IL17RD: variants seen among roughly 807,000 people sequenced by gnomAD.
IL17RD encodes interleukin-17 receptor D.
In IL17RD, 52 loss-of-function variants were observed where a neutral mutation model predicts 80.5. The observed-to-expected ratio is 0.65, with a 90% CI of 0.52 to 0.81. The LOEUF (loss-of-function observed/expected upper bound fraction) is 0.81. Ranked by LOEUF, IL17RD falls within the 40% of genes least tolerant of loss-of-function variation. IL17RD has a pLI of 0.00. For missense variants in IL17RD, 1,024 were observed against 955.1 expected (o/e 1.07, Z -0.95); for synonymous variants, 416 against 391.8 (o/e 1.06, Z -0.73).
intron 1 of IL17RD, among the ~76,000 whole-genome samples, chr3:57,124,262 T>A (rs1209507829): frequency 1.3e-5 from 2 of 152,188 alleles, no homozygotes; most frequent in Non-Finnish European, 1.5e-5. Flanking sequence ...ATAGGTAGAA[T>A]GATAGCCCCT....
chr3:57,168,909 G>A (rs2060358727), upstream of IL17RD, among the ~76,000 whole-genome samples: 1 of 152,176 alleles, frequency 6.6e-6, no homozygotes, highest in African/African-American at 2.4e-5. Flanking sequence ...GTAGAGGTGG[G>A]GTTTCACCAT....
At chr3:57,112,130 AC>A (rs760417724) in intron 3 of IL17RD, among the ~76,000 whole-genome samples, 12 of 152,200 alleles carry the variant, frequency 7.9e-5, no homozygotes, top group Non-Finnish European at 1.5e-4. Flanking sequence ...ACATTACAGT[AC>A]TATTAACACC....
chr3:57,146,043 G>GCACACACACACTCA (rs1329579530), intron 1 of IL17RD, among the ~76,000 whole-genome samples: 4 of 140,610 alleles, frequency 2.8e-5, no homozygotes, highest in South Asian at 2.4e-4. Flanking sequence ...GCGCGCGCGC[G>GCACACACACACTCA]CGCACACACA....
At chr3:57,122,027 T>A (rs1389440611) in intron 1 of IL17RD, among the ~76,000 whole-genome samples, 1 of 152,228 alleles carries the variant, frequency 6.6e-6, no homozygotes, top group East Asian at 1.9e-4. Context: ...AGGTAGATTA[T>A]GTCCTAGGCA....
Position 57,120,246 on chromosome 3 carries a change from G to T in IL17RD, c.184+10C>A. 1 of 1,602,518 alleles carries T rather than the reference G, an allele frequency of 6.2e-7. No individual in the cohort carries two copies. The highest frequency in any genetic ancestry group is 8.6e-7 in the Non-Finnish European group (1 of 1,169,416). ...GGCTCCATTCTTCAGCAATAAAGGC[G>T]GTTACTTACTGTCATATTTGAAGGT... On this transcript the variant is annotated intron_variant, in intron 2 of 12. Transcript: ENST00000296318.
At position 57,097,846 on chromosome 3, in the gene IL17RD, C is replaced by G; in HGVS notation, c.1857G>C (p.Gln619His). 6.2e-7 allele frequency: 1 copy of G among 1,612,866 alleles called. No individual in the cohort carries two copies. Among genetic ancestry groups the G allele is most frequent in the Non-Finnish European group, 8.5e-7 (1 of 1,179,392 alleles). ...CCAGGCCCCCATGCTGACTCTCGTG[C>G]TGGGAGTCGGCTGGTCCGGTTGCCC... ...VLGATGPADS[Q>H]HESQHGGLDQ... The change falls in exon 12 of 13, where the codon CAG (glutamine) becomes CAC (histidine). Residue 619 changes from glutamine to histidine, a missense_variant. Transcript: ENST00000296318.
At chr3:57,127,317 AAT>A (rs1283085195) in intron 1 of IL17RD, among the ~76,000 whole-genome samples, 4 of 79,784 alleles carry the variant, frequency 5.0e-5, no homozygotes, top group Non-Finnish European at 6.2e-5. Context: ...AATATATAAA[AAT>A]ATATATAAAT....
At position 57,097,793 on chromosome 3, in the gene IL17RD, A is replaced by T; in HGVS notation, c.1910T>A (p.Leu637His). The T allele has an allele frequency of 1.9e-6, 3 of 1,605,148 alleles. No individual in the cohort carries two copies. The highest frequency in any genetic ancestry group is 2.6e-6 in the Non-Finnish European group (3 of 1,175,688). ...LDQDGEARPA[L>H]DGSAALQPLL... The stretch of plus-strand genomic sequence containing the variant: ...GGGTTGCAGGGCGGCGCTACCGTCA[A>T]GGGCAGGCCGGGCCTCCCCGTCTTG... Residue 637 changes from leucine (L) to histidine (H), a missense_variant, in exon 12 of 13, where the codon CTT becomes CAT. Leu to His is a moderately conservative substitution (Grantham distance 99). Coordinates refer to ENST00000296318, the MANE Select transcript of IL17RD (RefSeq NM_017563.5).
At position 57,091,676 on chromosome 3, in the gene IL17RD, A is replaced by G. The variant is rs1461764328; in HGVS notation, c.*4717T>C. 3 of 152,596 alleles carry G rather than the reference A, an allele frequency of 2.0e-5. No homozygotes were observed. The highest frequency in any genetic ancestry group is 6.5e-5 in the Admixed American group (1 of 15,282). 9.5% of individuals were successfully genotyped at this position (152,596 alleles called of 1,614,324 possible). A position where few individuals can be genotyped will look rare whatever the true frequency, so the allele number is the denominator to read the frequency against. On this transcript the variant is annotated 3_prime_UTR_variant, in exon 13 of 13. Coordinates refer to ENST00000296318, the MANE Select transcript of IL17RD (RefSeq NM_017563.5). ...TGACTTCACTGTGGTTTTTGAATACATGGAAGGTGACCAGCTGTTCTTTCT... is the reference window on the plus strand; with the variant it reads ...TGACTTCACTGTGGTTTTTGAATACGTGGAAGGTGACCAGCTGTTCTTTCT...
chr3:57,105,552 A>ATATATATATATATATAT (rs1553623052), intron 7 of IL17RD, among the ~76,000 whole-genome samples: 7 of 63,586 alleles, frequency 1.1e-4, no homozygotes, highest in Non-Finnish European at 1.7e-4. Context: ...AAAAAAAAAA[A>ATATATATATATATATAT]ATATATATAT....
At chr3:57,155,364 C>T (rs984992626) in intron 1 of IL17RD, among the ~76,000 whole-genome samples, 2 of 152,200 alleles carry the variant, frequency 1.3e-5, no homozygotes, top group African/African-American at 4.8e-5. Flanking sequence ...CCAAGCAACC[C>T]CCTCAAGCAA....
At chr3:57,164,701 C>T (rs1206154078) in intron 1 of IL17RD, among the ~76,000 whole-genome samples, 1 of 152,084 alleles carries the variant, frequency 6.6e-6, no homozygotes, top group Non-Finnish European at 1.5e-5. Context: ...GTCCCCTCTC[C>T]GGCCGCCCGG....
chr3:57,153,645 A>G (rs2060245311), intron 1 of IL17RD, among the ~76,000 whole-genome samples: 1 of 152,218 alleles, frequency 6.6e-6, no homozygotes, highest in Non-Finnish European at 1.5e-5. Flanking sequence ...AACTTTAGAC[A>G]AAGGGGAAAT....
chr3:57,142,521 C>T, intron 1 of IL17RD: 2 of 1,287,508 alleles, frequency 1.6e-6, no homozygotes, highest in Non-Finnish European at 2.0e-6. Flanking sequence ...CCCCCTCCAA[C>T]CGCCCCGTCT....
Position 57,097,643 on chromosome 3 carries a change from G to T in IL17RD, c.2060C>A (p.Thr687Lys). Residue 687 changes from threonine (T) to lysine (K), a missense_variant, in exon 12 of 13, where the codon ACA (threonine) becomes AAA (lysine). Physicochemically the swap from Thr to Lys is moderately conservative, Grantham distance 78 (BLOSUM62 -1). Transcript: ENST00000296318. ...GCTCTCCGTCAGGGAAGACGTTTCT[G>T]TCTGGTCCGTCGAGAGTCCTTCCAT... ...PLMEGLSTDQ[T>K]ETSSLTESVS... The T allele has an allele frequency of 6.3e-7, 1 of 1,596,164 alleles. No individual in the cohort carries two copies. Among genetic ancestry groups the T allele is most frequent in the Non-Finnish European group, 8.5e-7 (1 of 1,171,856 alleles).
chr3:57,097,928 A>C lies in IL17RD; in HGVS notation c.1775T>G (p.Met592Arg). 6.2e-7 allele frequency: 1 copy of C among 1,614,042 alleles called. No individual in the cohort carries two copies. Among genetic ancestry groups the C allele is most frequent in the Non-Finnish European group, 8.5e-7 (1 of 1,179,902 alleles). ...FDSGLVLNDV[M>R]CKPGPESDFC... is the part of the protein sequence containing the mutation. ...GTCACTCTCAGGCCCTGGTTTGCAC[A>C]TGACATCATTTAAAACCAAGCCCGA... Residue 592 changes from methionine (M) to arginine (R), a missense_variant, in exon 12 of 13, where the codon ATG (methionine) becomes AGG (arginine). Transcript: ENST00000296318.
At position 57,163,337 on chromosome 3, in the gene IL17RD, C is replaced by T. The variant is rs146031738; in HGVS notation, c.126+1824G>A. ...AAACGTCAGCATAAGTGTGAGGTGACTGGGACAGAGCCACCATTTTATGAG... is the reference window on the plus strand; with the variant it reads ...AAACGTCAGCATAAGTGTGAGGTGATTGGGACAGAGCCACCATTTTATGAG... On this transcript the variant is annotated intron_variant, in intron 1 of 12. Coordinates refer to ENST00000296318, the MANE Select transcript of IL17RD (RefSeq NM_017563.5). Among the ~76,000 whole-genome samples, 345 of 152,242 alleles carry T rather than the reference C, an allele frequency of 2.3e-3. 1 individual carries two copies. Among genetic ancestry groups the T allele is most frequent in the Non-Finnish European group, 4.2e-3 (288 of 68,000 alleles).
chr3:57,101,807 A>G (rs1018415961), intron 10 of IL17RD, among the ~76,000 whole-genome samples: 9 of 152,242 alleles, frequency 5.9e-5, no homozygotes, highest in Non-Finnish European at 1.2e-4. Context: ...ATGGAAGTAT[A>G]TAACTGTGTA....
At chr3:57,131,223 G>A (rs988374001) in intron 1 of IL17RD, among the ~76,000 whole-genome samples, 4 of 151,152 alleles carry the variant, frequency 2.6e-5, no homozygotes, top group African/African-American at 9.7e-5. Context: ...CAGTTACTTG[G>A]GAGAAATATC....
Sources: gnomAD v4.1 joint callset for allele counts (sites outside exome capture counted in the v4.1 genomes callset) on GRCh38, gnomAD v4.1.1 for gene constraint, MANE v1.5 for transcripts, NCBI Gene and HGNC (gene_info 2026-07-23, HGNC 2026-07-21) for gene names.